HLF: variants seen among roughly 807,000 people sequenced by gnomAD.
HLF encodes the protein HLF transcription factor, PAR bZIP family member.
A neutral mutation model predicts 22.6 loss-of-function variants in HLF; 3 were observed. The observed-to-expected ratio is 0.13, with a 90% CI of 0.06 to 0.34. HLF has a LOEUF of 0.34. Among genes scored for constraint, HLF ranks in the 10% least tolerant of loss-of-function variants. The pLI, the probability that HLF is intolerant of heterozygous loss-of-function variation, is 1.00. For synonymous variants in HLF, 151 were observed against 151.8 expected (o/e 0.99, Z 0.04); for missense variants, 299 against 389.2 (o/e 0.77, Z 1.95).
At chr17:55,319,230 G>A (rs930778365) in intron 3 of HLF, among the ~76,000 whole-genome samples, 2 of 152,192 alleles carry the variant, frequency 1.3e-5, no homozygotes, top group African/African-American at 4.8e-5. Flanking sequence ...AATGCCTGTT[G>A]AGGGTAATGG....
chr17:55,274,606 TAAACA>T (rs994347135), intron 2 of HLF, among the ~76,000 whole-genome samples: 3 of 152,216 alleles, frequency 2.0e-5, no homozygotes, highest in Non-Finnish European at 4.4e-5. Context: ...CAGAATTGAA[TAAACA>T]AAACAGCCTG....
Position 55,315,373 on chromosome 17 carries a change from T to G in HLF, c.598T>G (p.Phe200Val). ...QEMFDPRKRK[F>V]SEEELKPQPM... ...AATGTTTGACCCTCGCAAACGCAAG[T>G]TCTCTGAGGAAGAACTGAAGCCACA... The change falls in exon 3 of 4, where the codon TTC becomes GTC. Residue 200 changes from phenylalanine to valine, a missense_variant. Transcript: ENST00000226067. The G allele has an allele frequency of 6.2e-7, 1 of 1,614,132 alleles. No individual in the cohort carries two copies. Among genetic ancestry groups the G allele is most frequent in the Non-Finnish European group, 8.5e-7 (1 of 1,180,016 alleles).
chr17:55,291,910 G>A (rs546145520), intron 2 of HLF, among the ~76,000 whole-genome samples: 53 of 152,310 alleles, frequency 3.5e-4, no homozygotes, highest in African/African-American at 1.3e-3. Context: ...AGGACTTCAA[G>A]GTTTCAGTGG....
intron 1 of HLF, 48 bp downstream of exon 1, chr17:55,265,647 G>T (rs748367631): frequency 5.1e-6 from 7 of 1,369,908 alleles, no homozygotes; most frequent in African/African-American, 1.5e-5. Flanking sequence ...CGCTCCGGGG[G>T]TCCCCCTCCG....
At chr17:55,291,309 C>A (rs2081059713) in intron 2 of HLF, among the ~76,000 whole-genome samples, 1 of 152,190 alleles carries the variant, frequency 6.6e-6, no homozygotes, top group Non-Finnish European at 1.5e-5. Flanking sequence ...CATCGAAGGA[C>A]AGGCTGACTT....
At chr17:55,289,274 A>C (rs2081036791) in intron 2 of HLF, among the ~76,000 whole-genome samples, 1 of 152,226 alleles carries the variant, frequency 6.6e-6, no homozygotes, top group South Asian at 2.1e-4. Context: ...AGGTATGTAC[A>C]GCTGGCAGGA....
At chr17:55,307,750 GGGCTTACATGGGAGT>G (rs1282687713) in intron 2 of HLF, among the ~76,000 whole-genome samples, 1 of 151,566 alleles carries the variant, frequency 6.6e-6, no homozygotes, top group Non-Finnish European at 1.5e-5. Context: ...CTGTTCTGTG[GGGCTTACATGGGAGT>G]GGAGGGAAGA....
rs920590362 is a variant in HLF, at chr17:55,322,121, T to C, written c.*1242T>C. The C allele has an allele frequency of 2.9e-5, 6 of 205,866 alleles. No homozygotes were observed. The highest frequency in any genetic ancestry group is 9.1e-5 in the African/African-American group (4 of 43,778). The allele number at this position is 205,866 out of a possible 1,614,324, so 12.8% of individuals were successfully genotyped here. ...TTAATGATTCTGAAGCTTATGTTTCTTATTCTCTGTTTGCTTTTGAACGTA... is the reference window on the plus strand; with the variant it reads ...TTAATGATTCTGAAGCTTATGTTTCCTATTCTCTGTTTGCTTTTGAACGTA... On this transcript the variant is annotated 3_prime_UTR_variant, in exon 4 of 4. Coordinates refer to ENST00000226067, the MANE Select transcript of HLF (RefSeq NM_002126.5).
Position 55,315,291 on chromosome 17 carries a change from A to T in HLF, c.516A>T (p.Pro172=), listed in dbSNP as rs1367984953. Residue 172 remains proline (P), a synonymous_variant, in exon 3 of 4, where the codon CCA becomes CCT. Transcript: ENST00000226067. The part of the protein sequence containing the change: ...SPIDPDTIQV[P]VGYEPDPADL... The stretch of plus-strand genomic sequence containing the variant: ...TTGATCCTGACACCATCCAGGTCCC[A>T]GTGGGTTATGAGCCAGACCCAGCAG... 6.2e-7 allele frequency: 1 copy of T among 1,614,202 alleles called. No homozygotes were observed. Among genetic ancestry groups the T allele is most frequent in the Non-Finnish European group, 8.5e-7 (1 of 1,180,020 alleles).
chr17:55,289,542 G>A (rs552280154), intron 2 of HLF, among the ~76,000 whole-genome samples: 4 of 152,310 alleles, frequency 2.6e-5, no homozygotes, highest in African/African-American at 7.2e-5. Context: ...AGGTGAGATA[G>A]CAGAGTTCTC....
Position 55,315,237 on chromosome 17 carries a change from G to T in HLF, c.462G>T (p.Leu154Phe). 1 of 1,613,986 alleles carries T rather than the reference G, an allele frequency of 6.2e-7. No homozygotes were observed. The highest frequency in any genetic ancestry group is 2.2e-5 in the East Asian group (1 of 44,888). ...MQSPIRPGQL[L>F]PANRNTPSPI... is the part of the protein sequence containing the mutation. ...CCTGTGTTGTTCCAGGTCAGCTGTT[G>T]CCAGCAAACCGCAATACACCAAGTC... Residue 154 changes from leucine (L) to phenylalanine (F), a missense_variant, in exon 3 of 4, where the codon TTG (leucine) becomes TTT (phenylalanine). Physicochemically the swap from Leu to Phe is conservative, Grantham distance 22. Around this residue, in one of 3 missense-constraint regions of HLF, gnomAD observed 224 missense variants for 298.1 expected, o/e 0.75. Coordinates refer to ENST00000226067, the MANE Select transcript of HLF (RefSeq NM_002126.5).
chr17:55,312,120 A>G (rs1203749619), intron 2 of HLF, among the ~76,000 whole-genome samples: 1 of 152,228 alleles, frequency 6.6e-6, no homozygotes, highest in East Asian at 1.9e-4. Flanking sequence ...TAGCGCTGCG[A>G]TGAACATGCG....
At chr17:55,300,956 C>T (rs999703911) in intron 2 of HLF, among the ~76,000 whole-genome samples, 5 of 152,254 alleles carry the variant, frequency 3.3e-5, no homozygotes, top group Non-Finnish European at 7.3e-5. Context: ...GCTCCAGTTA[C>T]ACCAGCTACT....
At chr17:55,301,405 G>T (rs530583820) in intron 2 of HLF, among the ~76,000 whole-genome samples, 2 of 152,336 alleles carry the variant, frequency 1.3e-5, no homozygotes, top group South Asian at 4.1e-4. Flanking sequence ...CAGTGGCATG[G>T]CCTTTGCCTG....
chr17:55,282,916 T>A (rs1230269038), intron 2 of HLF, among the ~76,000 whole-genome samples: 1 of 152,102 alleles, frequency 6.6e-6, no homozygotes, highest in Non-Finnish European at 1.5e-5. Context: ...ATTTGACACC[T>A]TTTGGAATAA....
chr17:55,270,746 C>T (rs1013370854), intron 2 of HLF, among the ~76,000 whole-genome samples: 9 of 151,278 alleles, frequency 5.9e-5, no homozygotes, highest in East Asian at 3.9e-4. Flanking sequence ...CTGCAAGCTC[C>T]GCCTCCCGGG....
rs532844140 is a variant in HLF at position 55,285,768 on chromosome 17, G to A, written c.451+17682G>A. On this transcript the variant is annotated intron_variant, in intron 2 of 3. Transcript: ENST00000226067. ...ACATTTCACTTCGGAACACACTTTC[G>A]CATCACTCCTTGGCAGAACATCCAC... Among the ~76,000 whole-genome samples, 11 of 152,364 alleles carry A rather than the reference G, an allele frequency of 7.2e-5. No individual in the cohort carries two copies. In the South Asian group the frequency reaches 1.5e-3, roughly 20 times the overall value.
At chr17:55,310,532 A>C (rs1904783639) in intron 2 of HLF, among the ~76,000 whole-genome samples, 1 of 152,204 alleles carries the variant, frequency 6.6e-6, no homozygotes, top group South Asian at 2.1e-4. Flanking sequence ...GAAGGATCTG[A>C]AGAATTAAAA....
intron 2 of HLF, among the ~76,000 whole-genome samples, chr17:55,312,830 G>A (rs777332314): frequency 8.5e-5 from 13 of 152,090 alleles, no homozygotes; most frequent in Non-Finnish European, 1.5e-4. Context: ...TTCTTATATT[G>A]ACAATTCTTA....
Sources: allele counts gnomAD v4.1 joint callset (sites outside exome capture counted in the v4.1 genomes callset), GRCh38; gene constraint gnomAD v4.1.1; regional missense constraint gnomAD v4.1.1; transcripts MANE v1.5; gene names NCBI Gene and HGNC (gene_info 2026-07-23, HGNC 2026-07-21).